The following DNAJB13 variants were observed in gnomAD, a reference collection of about 807,000 sequenced individuals.
DNAJB13 encodes the protein DnaJ heat shock protein family (Hsp40) member B13.
A neutral mutation model predicts 35.6 loss-of-function variants in DNAJB13; 22 were observed. The observed-to-expected ratio is 0.62, with a 90% CI of 0.44 to 0.88. The LOEUF (loss-of-function observed/expected upper bound fraction) is 0.88. Ranked by LOEUF, DNAJB13 falls within the 40% of genes least tolerant of loss-of-function variation. The probability of loss-of-function intolerance (pLI) is 0.00; values close to 1 mark genes in which losing one functional copy is unlikely to be tolerated. For missense variants in DNAJB13, 370 were observed against 384.3 expected (o/e 0.96, Z 0.31); for synonymous variants, 136 against 144.2 (o/e 0.94, Z 0.41).
At chr11:73,954,453 A>AC (rs1337406006) in intron 1 of DNAJB13, among the ~76,000 whole-genome samples, 8 of 151,124 alleles carry the variant, frequency 5.3e-5, no homozygotes, top group Non-Finnish European at 2.9e-5. Flanking sequence ...ACATGGTGAA[A>AC]CCCCGTCTCT....
At chr11:73,956,666 G>T (rs2135288736) in intron 1 of DNAJB13, among the ~76,000 whole-genome samples, 1 of 152,188 alleles carries the variant, frequency 6.6e-6, no homozygotes. Flanking sequence ...AGCCAGGCGT[G>T]GTGGCTCGCG....
chr11:73,964,977 A>G lies in DNAJB13; in HGVS notation c.434A>G (p.Tyr145Cys), dbSNP rs779429304. 1 of 1,612,176 alleles carries G rather than the reference A, an allele frequency of 6.2e-7. No individual in the cohort carries two copies. Among genetic ancestry groups the G allele is most frequent in the Non-Finnish European group, 8.5e-7 (1 of 1,179,590 alleles). Residue 145 changes from tyrosine (Y) to cysteine (C), a missense_variant, in exon 4 of 8, where the codon TAC (tyrosine) becomes TGC (cysteine). Transcript: ENST00000339764. ...GACCCCCAAGTCGAACGGGATCTCT[A>G]CCTGTCCCTGGAGGACTTATTCTTT... ...KQDPQVERDL[Y>C]LSLEDLFFGC... is the part of the protein sequence containing the mutation.
At chr11:73,958,268 T>G in intron 1 of DNAJB13, 49 bp from the exon 2 acceptor site, 1 of 1,596,828 alleles carries the variant, frequency 6.3e-7, no homozygotes. Context: ...TGGTCCGCCC[T>G]CAGAAACAGA....
chr11:73,968,161 G>C, intron 5 of DNAJB13, 184 bp from the exon 6 acceptor site: 2 of 613,016 alleles, frequency 3.3e-6, no homozygotes, highest in South Asian at 4.0e-5. Flanking sequence ...GGATTCATTT[G>C]GGTAAGCTTC....
intron 6 of DNAJB13, among the ~76,000 whole-genome samples, 192 bp from the exon 7 acceptor site, chr11:73,969,054 C>T (rs999617619): frequency 1.3e-5 from 2 of 151,476 alleles, no homozygotes; most frequent in African/African-American, 2.5e-5. Context: ...TCCATCTTAC[C>T]TGCCAGATCC....
At chr11:73,951,169 T>A in intron 1 of DNAJB13, 32 bp downstream of exon 1, 1 of 1,612,798 alleles carries the variant, frequency 6.2e-7, no homozygotes, top group Middle Eastern at 1.7e-4. Context: ...GCCTTAGGGG[T>A]GTGCTGGGGC....
chr11:73,960,341 G>A (rs889472265), intron 3 of DNAJB13, among the ~76,000 whole-genome samples: 2 of 151,990 alleles, frequency 1.3e-5, no homozygotes, highest in African/African-American at 4.8e-5. Context: ...ACCACACCCA[G>A]CTAATAATTT....
At chr11:73,964,491 T>C (rs78933682) in intron 3 of DNAJB13, 15,958 of 256,672 alleles carry the variant, frequency 0.062, 769 homozygotes, top group African/African-American at 0.16. Context: ...CTGGCACTCC[T>C]GAGCGCGGCC....
intron 4 of DNAJB13, 117 bp downstream of exon 4, chr11:73,965,152 T>C: frequency 8.6e-7 from 1 of 1,168,298 alleles, no homozygotes; most frequent in Non-Finnish European, 1.2e-6. Context: ...TTATGGAACC[T>C]TAGATTCAGA....
At chr11:73,966,845 A>AATTTTTT (rs1554993054) in intron 5 of DNAJB13, among the ~76,000 whole-genome samples, 1 of 98,242 alleles carries the variant, frequency 1.0e-5, no homozygotes, top group Non-Finnish European at 1.9e-5. Flanking sequence ...CGCCCAGCTA[A>AATTTTTT]TTTTTTTTTT....
In DNAJB13 at chr11:73,970,111, A is replaced by G. The variant is rs1175910935; in HGVS notation, c.948A>G (p.Thr316=). The G allele has an allele frequency of 2.5e-6, 4 of 1,601,570 alleles. No homozygotes were observed. Among genetic ancestry groups the G allele is most frequent in the Non-Finnish European group, 1.7e-6 (2 of 1,173,196 alleles). ...AGATGCTGCGCCAGGCATTGCTGAC[A>G]TGACTGTGGTGGGCTGGAGCAGGGG... ...KKQMLRQALL[T] is the part of the protein sequence containing the mutation. The change falls in exon 8 of 8, where the codon ACA becomes ACG. Residue 316 remains threonine (T), a synonymous_variant. Transcript: ENST00000339764.
chr11:73,964,711 C>A (rs1298752010), intron 3 of DNAJB13, 167 bp from the exon 4 acceptor site: 7 of 711,170 alleles, frequency 9.8e-6, no homozygotes, highest in Non-Finnish European at 7.0e-6. Context: ...TTATAGGATG[C>A]TGGGTGTTAC....
intron 1 of DNAJB13, among the ~76,000 whole-genome samples, chr11:73,952,286 T>C (rs1248313871): frequency 1.3e-5 from 2 of 151,754 alleles, no homozygotes; most frequent in African/African-American, 4.8e-5. Context: ...CACTGGAGGG[T>C]GAAGAAAAGA....
chr11:73,951,652 G>T (rs1364469521), intron 1 of DNAJB13, among the ~76,000 whole-genome samples: 2 of 152,098 alleles, frequency 1.3e-5, no homozygotes, highest in East Asian at 3.8e-4. Flanking sequence ...ACATGTTTTT[G>T]TTTTTTGTTT....
At chr11:73,966,598 G>C (rs1193540286) in intron 5 of DNAJB13, among the ~76,000 whole-genome samples, 2 of 152,144 alleles carry the variant, frequency 1.3e-5, no homozygotes, top group Admixed American at 6.5e-5. Context: ...TTTCTTCAGT[G>C]CTTCTCAGAA....
chr11:73,959,771 A>T (rs1950875742), intron 3 of DNAJB13, 116 bp downstream of exon 3: 2 of 1,089,244 alleles, frequency 1.8e-6, no homozygotes, highest in South Asian at 2.7e-5. Context: ...TTATTTACTT[A>T]TTTTTTTTGG....
intron 3 of DNAJB13, among the ~76,000 whole-genome samples, chr11:73,961,650 G>C (rs1322298245): frequency 6.6e-6 from 1 of 152,214 alleles, no homozygotes; most frequent in Admixed American, 6.5e-5. Flanking sequence ...GGAACTACCT[G>C]ATGAACAGAA....
chr11:73,964,915 CT>C lies in DNAJB13; in HGVS notation c.375del (p.Phe125LeufsTer42), dbSNP rs1951063124. On this transcript the variant is annotated frameshift_variant, in exon 4 of 8. Coordinates refer to ENST00000339764, the MANE Select transcript of DNAJB13 (RefSeq NM_153614.4). LOFTEE classifies it high-confidence loss of function. ...DAEGSEVDLNFGGLQGRGVKK... is the reference protein window; with the variant it reads ...DAEGSEVDLNXGGLQGRGVKK... ...CAGAAGGAAGTGAGGTAGATTTGAA[CT>C]TTGGGGGGCTCCAGGGCCGAGGGGT... The C allele has an allele frequency of 1.2e-6, 2 of 1,613,520 alleles. No individual in the cohort carries two copies. Among genetic ancestry groups the C allele is most frequent in the African/African-American group, 2.7e-5 (2 of 74,856 alleles).
chr11:73,956,727 CA>C (rs1950751863), intron 1 of DNAJB13, among the ~76,000 whole-genome samples: 1 of 147,836 alleles, frequency 6.8e-6, no homozygotes, highest in African/African-American at 2.5e-5. Context: ...CGCTTGAACC[CA>C]GGAAGCAGAG....
Sources: allele counts gnomAD v4.1 joint callset (sites outside exome capture counted in the v4.1 genomes callset), GRCh38; gene constraint gnomAD v4.1.1; transcripts MANE v1.5; gene names NCBI Gene and HGNC (gene_info 2026-07-23, HGNC 2026-07-21).